The following CPNE4 variants were observed in gnomAD, a reference collection of about 807,000 sequenced individuals.
CPNE4 encodes copine 4, also known as copine-4.
Under a neutral mutation model 67.9 loss-of-function variants are expected in CPNE4, and 25 were observed. The ratio of observed to expected loss-of-function variants is 0.37; its 90% CI spans 0.27 to 0.51. CPNE4 has a LOEUF of 0.51. Ranked by LOEUF, CPNE4 falls within the 20% of genes least tolerant of loss-of-function variation. CPNE4 has a pLI of 0.93. For synonymous variants in CPNE4, 242 were observed against 244.9 expected, an observed-to-expected ratio of 0.99 and a Z score of 0.11; for missense variants, 464 against 690.8, an observed-to-expected ratio of 0.67 and a Z score of 3.68.
chr3:131,989,828 G>C (rs1210706030), intron 1 of CPNE4, among the ~76,000 whole-genome samples: 1 of 136,132 alleles, frequency 7.3e-6, no homozygotes, highest in Non-Finnish European at 1.7e-5. Flanking sequence ...ACACGTAGTA[G>C]TACAGTGAGA....
intron 7 of CPNE4, among the ~76,000 whole-genome samples, chr3:131,648,915 C>A (rs939700021): frequency 1.3e-5 from 2 of 152,120 alleles, no homozygotes; most frequent in African/African-American, 4.8e-5. Flanking sequence ...TGCCTGTCTT[C>A]CTGTCATTCC....
chr3:131,770,309 A>G (rs898989118), intron 2 of CPNE4, among the ~76,000 whole-genome samples: 1 of 152,234 alleles, frequency 6.6e-6, no homozygotes, highest in African/African-American at 2.4e-5. Flanking sequence ...ACAACCAACA[A>G]TAACCATCAC....
upstream of CPNE4, chr3:132,039,548 T>C (rs953626632): frequency 6.6e-6 from 1 of 152,216 alleles, no homozygotes; most frequent in Non-Finnish European, 1.5e-5. Context: ...TATTAATGAC[T>C]GAAAAAGCGT....
In CPNE4 at chr3:131,991,326, C is replaced by T. The variant is rs187627042; in HGVS notation, c.-2+43241G>A. On this transcript the variant is annotated intron_variant, in intron 1 of 15. Transcript: ENST00000429747. ...GAAGATGTGGGAAAGTTTGAAACTT[C>T]CTGGAGACTTGTTGAATGGTTTCAA... is the stretch of plus-strand genomic sequence containing the variant. 3.8e-4 allele frequency among the ~76,000 whole-genome samples: 52 copies of T among 136,224 alleles called. 12 individuals carry two copies. The highest frequency in any genetic ancestry group is 7.2e-4 in the Non-Finnish European group (43 of 60,004). The allele number at this position is 136,224 out of a possible 152,430, so 89.4% of individuals were successfully genotyped here.
chr3:131,650,328 G>A (rs540304183), intron 7 of CPNE4, among the ~76,000 whole-genome samples: 2 of 152,216 alleles, frequency 1.3e-5, no homozygotes. Flanking sequence ...CAAGGAGAGG[G>A]AATTACACAA....
chr3:131,586,796 G>A (rs1363125775), intron 8 of CPNE4, among the ~76,000 whole-genome samples: 4 of 152,102 alleles, frequency 2.6e-5, no homozygotes, highest in African/African-American at 9.7e-5. Flanking sequence ...ATATGAAAGT[G>A]TGTGTATCTG....
chr3:131,979,744 T>C (rs2072856791), intron 1 of CPNE4, among the ~76,000 whole-genome samples: 1 of 152,138 alleles, frequency 6.6e-6, no homozygotes, highest in Non-Finnish European at 1.5e-5. Context: ...CCCATGTATC[T>C]TGAGTTTTTT....
At chr3:131,796,156 T>C (rs1041822663) in intron 2 of CPNE4, among the ~76,000 whole-genome samples, 4 of 152,178 alleles carry the variant, frequency 2.6e-5, no homozygotes, top group African/African-American at 9.7e-5. Context: ...GACAGAGTTT[T>C]TTTTTTTTGT....
chr3:131,620,537 C>A, intron 7 of CPNE4: 1 of 831,794 alleles, frequency 1.2e-6, no homozygotes, highest in Non-Finnish European at 1.4e-6. Context: ...ATGTCCATAC[C>A]CTTATCCCTG....
At chr3:131,622,775 T>C (rs1328822968) in intron 7 of CPNE4, among the ~76,000 whole-genome samples, 5 of 152,166 alleles carry the variant, frequency 3.3e-5, no homozygotes, top group African/African-American at 1.2e-4. Flanking sequence ...AAAATGGTTG[T>C]CCTCTGCACA....
chr3:131,727,212 C>A lies in CPNE4; in HGVS notation c.181-3587G>T, dbSNP rs2082021104. Among the ~76,000 whole-genome samples the A allele has an allele frequency of 2.0e-5, 3 of 152,154 alleles. No individual in the cohort carries two copies. In the South Asian group the frequency reaches 6.2e-4, roughly 32 times the overall value. On this transcript the variant is annotated intron_variant, in intron 2 of 15. Coordinates refer to ENST00000429747, the MANE Select transcript of CPNE4 (RefSeq NM_130808.3). Reference sequence around the variant, plus strand: ...ACTACTTTCCTCAATTCATGAGCATCCTTAGAAAGGAAAAAGGCAGCTAGA... The same window carrying A: ...ACTACTTTCCTCAATTCATGAGCATACTTAGAAAGGAAAAAGGCAGCTAGA...
chr3:131,608,585 G>A (rs1939642826), intron 7 of CPNE4, among the ~76,000 whole-genome samples: 1 of 152,120 alleles, frequency 6.6e-6, no homozygotes, highest in Non-Finnish European at 1.5e-5. Context: ...GAGCCAAGGG[G>A]AGGAAGACAA....
intron 2 of CPNE4, among the ~76,000 whole-genome samples, chr3:131,802,327 G>A (rs764026725): frequency 3.3e-5 from 5 of 152,156 alleles, no homozygotes; most frequent in Non-Finnish European, 7.4e-5. Context: ...TGTGGGAAAT[G>A]TTCAGTTTAT....
At chr3:131,954,977 A>C (rs1244519771) in intron 1 of CPNE4, among the ~76,000 whole-genome samples, 1 of 151,714 alleles carries the variant, frequency 6.6e-6, no homozygotes, top group African/African-American at 2.4e-5. Flanking sequence ...TGAAAAAAAA[A>C]AAAAAAGAAT....
At chr3:131,772,052 C>T (rs185980749) in intron 2 of CPNE4, among the ~76,000 whole-genome samples, 4 of 152,126 alleles carry the variant, frequency 2.6e-5, no homozygotes, top group East Asian at 3.9e-4. Flanking sequence ...AGGCAATGAA[C>T]GGAGTGAGGC....
At chr3:131,570,629 C>T (rs1311517629) in intron 10 of CPNE4, among the ~76,000 whole-genome samples, 1 of 152,064 alleles carries the variant, frequency 6.6e-6, no homozygotes, top group Non-Finnish European at 1.5e-5. Context: ...CCTCCACCCA[C>T]CTCCTCAAAG....
intron 10 of CPNE4, among the ~76,000 whole-genome samples, chr3:131,572,060 T>C (rs1937364052): frequency 6.6e-6 from 1 of 152,042 alleles, no homozygotes; most frequent in Non-Finnish European, 1.5e-5. Context: ...GGTTCAATTA[T>C]TACAATTCAG....
chr3:131,985,504 G>A (rs1040635137), intron 1 of CPNE4, among the ~76,000 whole-genome samples: 12 of 152,082 alleles, frequency 7.9e-5, no homozygotes, highest in African/African-American at 2.2e-4. Context: ...GAGAAACATG[G>A]AACTTACAGA....
intron 1 of CPNE4, among the ~76,000 whole-genome samples, chr3:131,943,869 A>T (rs529171778): frequency 1.3e-5 from 2 of 152,098 alleles, no homozygotes; most frequent in African/African-American, 2.4e-5. Context: ...AGTCCCCTCA[A>T]ACATACCAGA....
Sources: gnomAD v4.1 joint callset for allele counts (sites outside exome capture counted in the v4.1 genomes callset) on GRCh38, gnomAD v4.1.1 for gene constraint, MANE v1.5 for transcripts, NCBI Gene and HGNC (gene_info 2026-07-23, HGNC 2026-07-21) for gene names.